PFKFB3: variants seen among roughly 807,000 people sequenced by gnomAD.
The protein encoded by PFKFB3 is 6-phosphofructo-2-kinase/fructose-2,6-bisphosphatase 3.
A neutral mutation model predicts 68.0 loss-of-function variants in PFKFB3; 33 were observed. The observed-to-expected ratio is 0.49, with a 90% CI of 0.37 to 0.65. The LOEUF is 0.65. Among genes scored for constraint, PFKFB3 ranks in the 30% least tolerant of loss-of-function variants. The probability of loss-of-function intolerance (pLI) is 0.00; values close to 1 mark genes in which losing one functional copy is unlikely to be tolerated. For missense variants in PFKFB3, 586 were observed against 712.2 expected (o/e 0.82, Z 2.02); for synonymous variants, 315 against 288.2 (o/e 1.09, Z -0.94).
intron 1 of PFKFB3, among the ~76,000 whole-genome samples, chr10:6,158,446 A>G (rs1841872775): frequency 6.6e-6 from 1 of 152,244 alleles, no homozygotes; most frequent in South Asian, 2.1e-4. Context: ...GAAATGAGGA[A>G]GCCTGATGGC....
At chr10:6,285,071 T>G in the PFKFB3 span, among the ~76,000 whole-genome samples, 9 of 152,200 alleles carry the variant, frequency 5.9e-5, no homozygotes, top group African/African-American at 1.9e-4. Flanking sequence ...CTGCTTAGCC[T>G]CCTGCTTTCA....
chr10:6,164,471 A>G (rs1842070050), intron 1 of PFKFB3, among the ~76,000 whole-genome samples: 1 of 152,200 alleles, frequency 6.6e-6, no homozygotes, highest in African/African-American at 2.4e-5. Context: ...GTCTGGAAGT[A>G]TTTGAAAGAC....
At chr10:6,232,478 G>C (rs2132052829) in intron 14 of PFKFB3, among the ~76,000 whole-genome samples, 1 of 152,256 alleles carries the variant, frequency 6.6e-6, no homozygotes, top group South Asian at 2.1e-4. Flanking sequence ...GCTCTGTTTT[G>C]AGCTGAGTCG....
downstream of PFKFB3, among the ~76,000 whole-genome samples, chr10:6,238,312 A>G (rs35620874): frequency 0.17 from 25,640 of 151,602 alleles, 2,645 homozygotes; most frequent in Non-Finnish European, 0.23. Context: ...TTACAGGTGC[A>G]TGCCACTAAG....
intron 1 of PFKFB3, among the ~76,000 whole-genome samples, chr10:6,210,173 G>T (rs566463400): frequency 8.4e-6 from 1 of 118,988 alleles, no homozygotes; most frequent in Non-Finnish European, 2.0e-5. Context: ...GAGGGTCACA[G>T]AATTAGAAAC....
chr10:6,150,457 C>G (rs1274864793), intron 1 of PFKFB3, among the ~76,000 whole-genome samples: 2 of 151,940 alleles, frequency 1.3e-5, no homozygotes, highest in East Asian at 3.9e-4. Flanking sequence ...AACCCTGTCT[C>G]TACTAAAAAT....
At chr10:6,198,204 C>T (rs962171621), upstream of PFKFB3, among the ~76,000 whole-genome samples, 2 of 147,196 alleles carry the variant, frequency 1.4e-5, no homozygotes. Flanking sequence ...CGAGATGGTA[C>T]CACTGCACTC....
At chr10:6,188,152 G>A (rs897720016) in intron 1 of PFKFB3, among the ~76,000 whole-genome samples, 4 of 151,904 alleles carry the variant, frequency 2.6e-5, no homozygotes, top group Admixed American at 1.3e-4. Context: ...AACCATTTGA[G>A]AGTTAGACGC....
At chr10:6,290,975 G>T in the PFKFB3 span, among the ~76,000 whole-genome samples, 1 of 151,062 alleles carries the variant, frequency 6.6e-6, no homozygotes, top group African/African-American at 2.4e-5. Flanking sequence ...TTTTCTGTGT[G>T]GTATTCCCAT....
At chr10:6,170,567 C>T (rs151259743) in intron 1 of PFKFB3, among the ~76,000 whole-genome samples, 5 of 152,310 alleles carry the variant, frequency 3.3e-5, no homozygotes, top group Admixed American at 1.3e-4. Context: ...ATATTTAAAC[C>T]AGACTAGAAA....
the PFKFB3 span, among the ~76,000 whole-genome samples, chr10:6,301,895 C>A: frequency 9.2e-5 from 14 of 152,146 alleles, no homozygotes; most frequent in Non-Finnish European, 1.6e-4. Context: ...ATTATCTGCT[C>A]TGATTAATGA....
chr10:6,243,763 C>A (rs1846193343), intron 14 of PFKFB3, among the ~76,000 whole-genome samples: 1 of 152,186 alleles, frequency 6.6e-6, no homozygotes, highest in Non-Finnish European at 1.5e-5. Flanking sequence ...TGCTAGGTCG[C>A]CCAAGGCTGA....
chr10:6,301,395 A>T, the PFKFB3 span, among the ~76,000 whole-genome samples: 443 of 152,320 alleles, frequency 2.9e-3, 1 homozygote, highest in African/African-American at 0.01. Context: ...ATAATGGTCG[A>T]TGCATATTCT....
rs1845893852 is a variant in PFKFB3 at position 6,233,984 on chromosome 10, G to C, written c.*1042G>C. ...CAAGAGCTGCCTGCACACTGTCTTG[G>C]AGCATCTGCCTTGTGCCTGGCACTC... On this transcript the variant is annotated 3_prime_UTR_variant, in exon 15 of 15. Transcript: ENST00000379775. The C allele has an allele frequency of 6.6e-6, 1 of 152,512 alleles. No homozygotes were observed. The highest frequency in any genetic ancestry group is 2.4e-5 in the African/African-American group (1 of 41,484). 9.4% of individuals were successfully genotyped at this position (152,512 alleles called of 1,614,324 possible).
intron 13 of PFKFB3, 136 bp downstream of exon 13, chr10:6,224,349 TCCTCAGCA>T: frequency 1.4e-6 from 1 of 733,566 alleles, no homozygotes. Context: ...CTGGCTGCCT[TCCTCAGCA>T]CCTCTTTGTT....
Position 6,203,155 on chromosome 10 carries a change from G to T in PFKFB3, c.-106G>T. On this transcript the variant is annotated 5_prime_UTR_variant, in exon 1 of 15. Transcript: ENST00000379775. ...CGCAGGAAACGCCCGGCCGCGCGCC[G>T]GCGCACGCCCCCCTCTCCTCCTTTG... 1 of 1,506,374 alleles carries T rather than the reference G, an allele frequency of 6.6e-7. No individual in the cohort carries two copies. Among genetic ancestry groups the T allele is most frequent in the Non-Finnish European group, 8.8e-7 (1 of 1,130,344 alleles). The allele number at this position is 1,506,374 out of a possible 1,614,324, so 93.3% of individuals were successfully genotyped here.
At chr10:6,280,060 C>T in the PFKFB3 span, among the ~76,000 whole-genome samples, 1 of 152,202 alleles carries the variant, frequency 6.6e-6, no homozygotes. Flanking sequence ...ACACACCTGG[C>T]TCGTTACCTT....
intron 14 of PFKFB3, among the ~76,000 whole-genome samples, chr10:6,243,630 T>C (rs1846190323): frequency 6.6e-6 from 1 of 152,232 alleles, no homozygotes; most frequent in Non-Finnish European, 1.5e-5. Context: ...TTTGCAGAGC[T>C]CCTCAAATGG....
At position 6,220,690 on chromosome 10, in the gene PFKFB3, G is replaced by A; in HGVS notation, c.656G>A (p.Gly219Asp). ...TCGCTGATCAAGGTGATTGACGTGG[G>A]CCGGAGGTTCCTGGTGAACCGGGTG... ...DLSLIKVIDVGRRFLVNRVQD... is the reference protein window; with the variant it reads ...DLSLIKVIDVDRRFLVNRVQD... The change falls in exon 8 of 15, where the codon GGC becomes GAC. Residue 219 changes from glycine (G) to aspartate (D), a missense_variant. Physicochemically the swap from Gly to Asp is moderately conservative, Grantham distance 94. Transcript: ENST00000379775. The surrounding 1 kb of genome is among the most constrained non-coding windows in gnomAD (Gnocchi z 4.1). The A allele has an allele frequency of 6.2e-7, 1 of 1,614,020 alleles. No homozygotes were observed. The highest frequency in any genetic ancestry group is 8.5e-7 in the Non-Finnish European group (1 of 1,180,018).
Sources: allele counts gnomAD v4.1 joint callset (sites outside exome capture counted in the v4.1 genomes callset), GRCh38; gene constraint gnomAD v4.1.1; non-coding constraint Gnocchi (gnomAD v3.1); transcripts MANE v1.5; gene names NCBI Gene and HGNC (gene_info 2026-07-23, HGNC 2026-07-21).